CCDC88A: variants seen among roughly 807,000 people sequenced by gnomAD.
CCDC88A encodes coiled-coil and HOOK domain protein 88A.
Under a neutral mutation model 234.3 loss-of-function variants are expected in CCDC88A, and 54 were observed. That is an observed-to-expected ratio of 0.23 (90% CI 0.19 to 0.29). CCDC88A has a LOEUF of 0.29. Among genes scored for constraint, CCDC88A ranks in the 10% least tolerant of loss-of-function variants. The pLI is 1.00. For synonymous variants in CCDC88A, 753 were observed against 737.8 expected (o/e 1.02, Z -0.33); for missense variants, 1,832 against 2,123.4 (o/e 0.86, Z 2.70).
intron 4 of CCDC88A, among the ~76,000 whole-genome samples, chr2:55,373,057 A>G (rs1380065772): frequency 6.6e-6 from 1 of 152,230 alleles, no homozygotes; most frequent in Non-Finnish European, 1.5e-5. Context: ...CAAGTCAGGT[A>G]AAAGTTAACA....
At chr2:55,294,857 GTAAT>G (rs1679834145) in intron 31 of CCDC88A, 7 of 1,053,644 alleles carry the variant, frequency 6.6e-6, no homozygotes, top group Middle Eastern at 4.7e-4. Context: ...AATGGACAAA[GTAAT>G]TAATATTTCA....
intron 3 of CCDC88A, among the ~76,000 whole-genome samples, chr2:55,384,578 TGTGTATATATAC>T (rs1558788247): frequency 0.021 from 1,996 of 93,904 alleles, 586 homozygotes; most frequent in Middle Eastern, 0.057. Flanking sequence ...TACGTATATA[TGTGTATATATAC>T]ACATATATAC....
intron 13 of CCDC88A, among the ~76,000 whole-genome samples, chr2:55,338,410 T>C (rs1259644386): frequency 6.6e-6 from 1 of 152,220 alleles, no homozygotes; most frequent in Non-Finnish European, 1.5e-5. Context: ...CTTAGGAACT[T>C]CTTAGAAACA....
Position 55,289,771 on chromosome 2 carries a change from G to GAGAA in CCDC88A, c.*1425_*1428dup, listed in dbSNP as rs1202440479. On this transcript the variant is annotated 3_prime_UTR_variant, in exon 33 of 33. Transcript: ENST00000436346. The stretch of plus-strand genomic sequence containing the variant: ...CGAAAGAGAGAGAGAAAGAGGGAGA[G>GAGAA]AGAAAGAGAGAGAGAGAGAGAGAGA... The GAGAA allele has an allele frequency of 2.8e-4, 9 of 32,098 alleles. No individual in the cohort carries two copies. The highest frequency in any genetic ancestry group is 6.0e-4 in the African/African-American group (9 of 14,962). 2.0% of individuals were successfully genotyped at this position (32,098 alleles called of 1,614,324 possible). A position where few individuals can be genotyped will look rare whatever the true frequency, so the allele number is the denominator to read the frequency against.
At chr2:55,409,738 C>T (rs1377377822) in intron 2 of CCDC88A, among the ~76,000 whole-genome samples, 1 of 111,732 alleles carries the variant, frequency 8.9e-6, no homozygotes, top group African/African-American at 4.2e-5. Context: ...ATATACCTCC[C>T]TTTTTTTTTT....
rs772888055 is a variant in CCDC88A at position 55,295,708 on chromosome 2, C to T, written c.5440G>A (p.Gly1814Arg). The T allele has an allele frequency of 6.2e-7, 1 of 1,614,048 alleles. No individual in the cohort carries two copies. The highest frequency in any genetic ancestry group is 1.3e-5 in the African/African-American group (1 of 74,922). ...TGGATGCTTGTCCTTCGTGTAGTTC[C>T]TTCGGCAGTTGAGATCACGCTGCTT... is the stretch of plus-strand genomic sequence containing the variant. ...RASSVISTAE[G>R]TTRRTSIHDF... Residue 1814 changes from glycine (G) to arginine (R), a missense_variant, in exon 31 of 33, where the codon GGA becomes AGA. Around this residue, in one of 6 missense-constraint regions of CCDC88A, gnomAD observed 422 missense variants for 416.5 expected, o/e 1.01. Transcript: ENST00000436346.
intron 3 of CCDC88A, among the ~76,000 whole-genome samples, chr2:55,380,561 CT>C (rs1036026312): frequency 6.6e-6 from 1 of 152,122 alleles, no homozygotes. Context: ...CACATGTTAG[CT>C]GGCTTTGTAT....
In CCDC88A at chr2:55,390,939, A is replaced by G. The variant is rs559019015; in HGVS notation, c.165-2053T>C. Among the ~76,000 whole-genome samples, 21 of 152,364 alleles carry G rather than the reference A, an allele frequency of 1.4e-4. No individual in the cohort carries two copies. In the South Asian group the frequency reaches 4.3e-3, roughly 32 times the overall value. On this transcript the variant is annotated intron_variant, in intron 2 of 32. Coordinates refer to ENST00000436346, the MANE Select transcript of CCDC88A (RefSeq NM_001365480.1). ...AGGAATGCCTGAGGCCAGGTATTCA[A>G]GACCAGCCTGGGCAATATGGTGGAA...
At chr2:55,324,760 C>T (rs1370319536) in intron 17 of CCDC88A, among the ~76,000 whole-genome samples, 1 of 152,100 alleles carries the variant, frequency 6.6e-6, no homozygotes, top group Non-Finnish European at 1.5e-5. Context: ...ATTCTCGTGG[C>T]TCAGTCTCCT....
At position 55,318,863 on chromosome 2, in the gene CCDC88A, T is replaced by C; in HGVS notation, c.3304A>G (p.Thr1102Ala). ...SLQEQNTTLQ[T>A]QNAKLQVENS... ...ACAACCTGAAGCTTGGCATTCTGTGTTTGAAGAGTGGTATTCTGTTCTTGT... is the reference window on the plus strand; with the variant it reads ...ACAACCTGAAGCTTGGCATTCTGTGCTTGAAGAGTGGTATTCTGTTCTTGT... Residue 1102 changes from threonine (T) to alanine (A), a missense_variant, in exon 19 of 33, where the codon ACA (threonine) becomes GCA (alanine). Physicochemically the swap from Thr to Ala is moderately conservative, Grantham distance 58. Coordinates refer to ENST00000436346, the MANE Select transcript of CCDC88A (RefSeq NM_001365480.1). 1 of 1,607,120 alleles carries C rather than the reference T, an allele frequency of 6.2e-7. No homozygotes were observed. Among genetic ancestry groups the C allele is most frequent in the Non-Finnish European group, 8.5e-7 (1 of 1,175,656 alleles).
chr2:55,360,639 T>G (rs771225758), intron 7 of CCDC88A, among the ~76,000 whole-genome samples: 1 of 152,238 alleles, frequency 6.6e-6, no homozygotes, highest in Non-Finnish European at 1.5e-5. Flanking sequence ...TCATTCTATA[T>G]AGTATTTCAT....
chr2:55,377,480 A>G (rs968867753), intron 3 of CCDC88A, among the ~76,000 whole-genome samples: 1 of 151,922 alleles, frequency 6.6e-6, no homozygotes, highest in African/African-American at 2.4e-5. Flanking sequence ...TAAATCATAA[A>G]TAAGAGAGCT....
intron 2 of CCDC88A, among the ~76,000 whole-genome samples, chr2:55,390,123 A>G (rs1246573094): frequency 6.6e-6 from 1 of 151,728 alleles, no homozygotes; most frequent in Non-Finnish European, 1.5e-5. Context: ...AACCCACTAC[A>G]GGCTAACAAA....
chr2:55,298,078 A>G (rs1680407221), intron 29 of CCDC88A, among the ~76,000 whole-genome samples: 1 of 152,202 alleles, frequency 6.6e-6, no homozygotes, highest in African/African-American at 2.4e-5. Context: ...TAAAATGAAA[A>G]TTTGCTAGTT....
intron 9 of CCDC88A, among the ~76,000 whole-genome samples, chr2:55,347,317 G>T (rs993374083): frequency 6.6e-6 from 1 of 152,044 alleles, no homozygotes; most frequent in Admixed American, 6.6e-5. Flanking sequence ...ACCTTTTCAG[G>T]GAGTTCAGGA....
At chr2:55,351,369 A>G (rs1295439886) in intron 8 of CCDC88A, among the ~76,000 whole-genome samples, 3 of 151,694 alleles carry the variant, frequency 2.0e-5, no homozygotes, top group Non-Finnish European at 2.9e-5. Flanking sequence ...TCCATTTGAG[A>G]CAGAGTCTGA....
chr2:55,321,560 A>C (rs1021584357), intron 18 of CCDC88A, among the ~76,000 whole-genome samples: 29 of 152,228 alleles, frequency 1.9e-4, no homozygotes, highest in East Asian at 9.7e-4. Context: ...TCAAAAAAAA[A>C]CCAAAAAAAC....
chr2:55,375,474 T>C (rs1442020661), intron 3 of CCDC88A, among the ~76,000 whole-genome samples: 1 of 8,156 alleles, frequency 1.2e-4, no homozygotes, highest in Non-Finnish European at 3.2e-4. Flanking sequence ...CTGTACTATA[T>C]ATATATATAT....
intron 2 of CCDC88A, chr2:55,403,455 T>C (rs1679054067): frequency 6.6e-6 from 1 of 152,224 alleles, no homozygotes; most frequent in Admixed American, 6.5e-5. Flanking sequence ...GGTTTATTTA[T>C]TATACCTTAC....
Sources: gnomAD v4.1 joint callset for allele counts (sites outside exome capture counted in the v4.1 genomes callset) on GRCh38, gnomAD v4.1.1 for gene constraint, gnomAD v4.1.1 regional missense constraint, MANE v1.5 for transcripts, NCBI Gene and HGNC (gene_info 2026-07-23, HGNC 2026-07-21) for gene names.